ERICH5: variants seen among roughly 807,000 people sequenced by gnomAD.
The protein encoded by ERICH5 is glutamate-rich protein 5.
ERICH5 carries 24 observed loss-of-function variants against 28.0 expected under a neutral mutation model. The observed-to-expected ratio is 0.86, with a 90% CI of 0.62 to 1.21. ERICH5 has a LOEUF of 1.21. Among genes scored for constraint, ERICH5 ranks in the 50% most tolerant of loss-of-function variants. The probability of loss-of-function intolerance (pLI) is 0.00; values close to 1 mark genes in which losing one functional copy is unlikely to be tolerated. For missense variants in ERICH5, 421 were observed against 441.2 expected (o/e 0.95, Z 0.41); for synonymous variants, 163 against 157.6 (o/e 1.03, Z -0.25).
intron 1 of ERICH5, among the ~76,000 whole-genome samples, chr8:98,070,248 T>C (rs1814887641): frequency 6.6e-6 from 1 of 152,042 alleles, no homozygotes. Context: ...ATCAGCTGAG[T>C]GTGGACGCTC....
chr8:98,073,457 T>C lies in ERICH5; in HGVS notation c.58+8730T>C, dbSNP rs1331459898. ...CTATATATATATATATATATATATATATGTATATATATATATATATATATA... is the reference window on the plus strand; with the variant it reads ...CTATATATATATATATATATATATACATGTATATATATATATATATATATA... On this transcript the variant is annotated intron_variant, in intron 1 of 2. Transcript: ENST00000318528. 2.1e-4 allele frequency among the ~76,000 whole-genome samples: 2 copies of C among 9,622 alleles called. 1 individual carries two copies. Among genetic ancestry groups the C allele is most frequent in the East Asian group, 0.026 (2 of 78 alleles). The allele number at this position is 9,622 out of a possible 152,430, so 6.3% of individuals were successfully genotyped here. A position where few individuals can be genotyped will look rare whatever the true frequency, so the allele number is the denominator to read the frequency against.
At chr8:98,078,760 A>G (rs948511042) in intron 1 of ERICH5, among the ~76,000 whole-genome samples, 2 of 152,230 alleles carry the variant, frequency 1.3e-5, no homozygotes, top group African/African-American at 4.8e-5. Context: ...GATAATGAGC[A>G]CCAAAGGATT....
At position 98,073,518 on chromosome 8, in the gene ERICH5, ATATATATATATATATAT is replaced by A. The variant is rs1563753562; in HGVS notation, c.58+8792_58+8808del. 8.6e-3 allele frequency among the ~76,000 whole-genome samples: 70 copies of A among 8,156 alleles called. 18 individuals are homozygous for A. Among genetic ancestry groups the A allele is most frequent in the African/African-American group, 0.023 (70 of 3,006 alleles). 5.4% of individuals were successfully genotyped at this position (8,156 alleles called of 152,430 possible). A position where few individuals can be genotyped will look rare whatever the true frequency, so the allele number is the denominator to read the frequency against. Reference sequence around the variant, plus strand: ...TATATATATATATATATATATATGTATATATATATATATATATATATATATATAATTTTTTTTTTTTT... The same window carrying A: ...TATATATATATATATATATATATGTAATATATATATAATTTTTTTTTTTTT... On this transcript the variant is annotated intron_variant, in intron 1 of 2. Transcript: ENST00000318528.
intron 2 of ERICH5, 39 bp downstream of exon 2, chr8:98,090,068 C>A: frequency 1.4e-6 from 2 of 1,468,892 alleles, no homozygotes; most frequent in Non-Finnish European, 9.3e-7. Flanking sequence ...TTTAGATGTG[C>A]TCCATAGGAG....
intron 2 of ERICH5, among the ~76,000 whole-genome samples, chr8:98,091,890 TTCTTTCTTTCC>T (rs1563759528): frequency 4.5e-4 from 39 of 85,756 alleles, no homozygotes; most frequent in African/African-American, 1.8e-3. Flanking sequence ...CTTTCTTTCT[TTCTTTCTTTCC>T]TTTCTTTCTT....
chr8:98,089,772 A>T lies in ERICH5; in HGVS notation c.755A>T (p.Glu252Val). 6.2e-7 allele frequency: 1 copy of T among 1,614,210 alleles called. No individual in the cohort carries two copies. The highest frequency in any genetic ancestry group is 8.5e-7 in the Non-Finnish European group (1 of 1,180,032). The change falls in exon 2 of 3, where the codon GAG (glutamate) becomes GTG (valine). Residue 252 changes from glutamate (E) to valine (V), a missense_variant. Physicochemically the swap from Glu to Val is moderately radical, Grantham distance 121. Coordinates refer to ENST00000318528, the MANE Select transcript of ERICH5 (RefSeq NM_173549.3). Reference sequence around the variant, plus strand: ...CAACTTCAGGCAACATTGGGAAAAGAGGAGCAGCCCCAGCTTCTAGAAAGA... The same window carrying T: ...CAACTTCAGGCAACATTGGGAAAAGTGGAGCAGCCCCAGCTTCTAGAAAGA... ...EQQLQATLGK[E>V]EQPQLLERIP...
intron 1 of ERICH5, among the ~76,000 whole-genome samples, chr8:98,069,822 C>T (rs1293616967): frequency 6.6e-6 from 1 of 152,186 alleles, no homozygotes; most frequent in African/African-American, 2.4e-5. Context: ...TTTACACTGT[C>T]ATCAACAATA....
intron 2 of ERICH5, among the ~76,000 whole-genome samples, chr8:98,092,452 A>G (rs576012763): frequency 4.7e-4 from 72 of 152,272 alleles, no homozygotes; most frequent in African/African-American, 1.6e-3. Context: ...GTGAGCCACC[A>G]CGCCCAGCTG....
intron 1 of ERICH5, among the ~76,000 whole-genome samples, chr8:98,076,132 C>A (rs1334049943): frequency 6.6e-6 from 1 of 152,144 alleles, no homozygotes; most frequent in Non-Finnish European, 1.5e-5. Flanking sequence ...CAGCTCACTG[C>A]AGCTTCTGCC....
chr8:98,091,606 C>T (rs893775358), intron 2 of ERICH5, among the ~76,000 whole-genome samples: 12 of 152,184 alleles, frequency 7.9e-5, no homozygotes, highest in South Asian at 6.2e-4. Flanking sequence ...GAGGAAGCTC[C>T]GCACAGCTCC....
In ERICH5 at chr8:98,089,133, C is replaced by A. The variant is rs1815333763; in HGVS notation, c.116C>A (p.Pro39Gln). The A allele has an allele frequency of 6.2e-7, 1 of 1,614,144 alleles. No individual in the cohort carries two copies. The highest frequency in any genetic ancestry group is 1.3e-5 in the African/African-American group (1 of 75,044). Residue 39 changes from proline (P) to glutamine (Q), a missense_variant, in exon 2 of 3, where the codon CCA becomes CAA. Pro to Gln is a moderately conservative substitution (Grantham distance 76). Coordinates refer to ENST00000318528, the MANE Select transcript of ERICH5 (RefSeq NM_173549.3). ...AEESESCFAQPKPHALGREST... is the reference protein window; with the variant it reads ...AEESESCFAQQKPHALGREST... ...GAAAGTGAGTCCTGCTTTGCCCAAC[C>A]AAAGCCACATGCACTGGGAAGAGAA...
chr8:98,079,247 T>G (rs1815127824), intron 1 of ERICH5, among the ~76,000 whole-genome samples: 1 of 145,202 alleles, frequency 6.9e-6, no homozygotes, highest in East Asian at 2.2e-4. Context: ...CATGGCTCAC[T>G]GCATCCTTGA....
intron 1 of ERICH5, among the ~76,000 whole-genome samples, chr8:98,071,929 G>A (rs1292368212): frequency 2.2e-5 from 3 of 137,418 alleles, no homozygotes; most frequent in African/African-American, 8.2e-5. Flanking sequence ...TTTTTTTTTG[G>A]TAGAGACTGG....
chr8:98,089,226 A>C lies in ERICH5; in HGVS notation c.209A>C (p.Glu70Ala), dbSNP rs1175426394. 1 of 1,614,226 alleles carries C rather than the reference A, an allele frequency of 6.2e-7. No homozygotes were observed. The highest frequency in any genetic ancestry group is 8.5e-7 in the Non-Finnish European group (1 of 1,180,042). The change falls in exon 2 of 3, where the codon GAG becomes GCG. Residue 70 changes from glutamate to alanine, a missense_variant. By Grantham distance (107) the Glu-to-Ala change is moderately radical (BLOSUM62 -1). Coordinates refer to ENST00000318528, the MANE Select transcript of ERICH5 (RefSeq NM_173549.3). ...PPLQKLKVSA[E>A]PTANGVKPLQ... Reference sequence around the variant, plus strand: ...TTACAAAAGCTCAAGGTTTCAGCAGAGCCTACAGCTAATGGTGTTAAACCC... The same window carrying C: ...TTACAAAAGCTCAAGGTTTCAGCAGCGCCTACAGCTAATGGTGTTAAACCC...
intron 1 of ERICH5, among the ~76,000 whole-genome samples, chr8:98,078,068 A>C (rs1403509805): frequency 1.3e-5 from 2 of 152,216 alleles, no homozygotes; most frequent in Non-Finnish European, 2.9e-5. Context: ...GTTACATGGA[A>C]TATAGCCTAA....
chr8:98,079,567 C>T (rs1025535140), intron 1 of ERICH5, among the ~76,000 whole-genome samples: 2 of 151,522 alleles, frequency 1.3e-5, no homozygotes, highest in Non-Finnish European at 2.9e-5. Flanking sequence ...GAGATGAAGT[C>T]TCGCTCTTGT....
At chr8:98,072,492 G>C (rs1000393561) in intron 1 of ERICH5, among the ~76,000 whole-genome samples, 2 of 152,070 alleles carry the variant, frequency 1.3e-5, no homozygotes, top group Non-Finnish European at 2.9e-5. Context: ...AAATAAATTA[G>C]CTAGGCATGG....
At chr8:98,072,706 T>C (rs896329064) in intron 1 of ERICH5, among the ~76,000 whole-genome samples, 2 of 152,188 alleles carry the variant, frequency 1.3e-5, no homozygotes, top group African/African-American at 4.8e-5. Context: ...TGCTCTGTCA[T>C]TTTCACTAGT....
chr8:98,089,277 A>ACGTAGCCCCTGGCCAAGGG lies in ERICH5; in HGVS notation c.272_273insCCAAGGGCGTAGCCCCTGG (p.Arg92GlnfsTer63), dbSNP rs1319618121. Reference sequence around the variant, plus strand: ...CTCCAAGAACAGCCCCTGGCCAAGGACGTAGCCCCTGGAAGGGATGCCACA... The same window carrying ACGTAGCCCCTGGCCAAGGG: ...CTCCAAGAACAGCCCCTGGCCAAGGACGTAGCCCCTGGCCAAGGGCGTAGCCCCTGGAAGGGATGCCACA... On this transcript the variant is annotated frameshift_variant, in exon 2 of 3. Coordinates refer to ENST00000318528, the MANE Select transcript of ERICH5 (RefSeq NM_173549.3). LOFTEE classifies it high-confidence loss of function. 6.2e-7 allele frequency: 1 copy of ACGTAGCCCCTGGCCAAGGG among 1,614,086 alleles called. No homozygotes were observed. The highest frequency in any genetic ancestry group is 1.3e-5 in the African/African-American group (1 of 74,936).
Sources: gnomAD v4.1 joint callset for allele counts (sites outside exome capture counted in the v4.1 genomes callset) on GRCh38, gnomAD v4.1.1 for gene constraint, MANE v1.5 for transcripts, NCBI Gene and HGNC (gene_info 2026-07-23, HGNC 2026-07-21) for gene names.